PLEKHM3: variants seen among roughly 807,000 people sequenced by gnomAD.
The protein encoded by PLEKHM3 is pleckstrin homology domain-containing family M member 3.
PLEKHM3 carries 45 observed loss-of-function variants against 81.8 expected under a neutral mutation model. The ratio of observed to expected loss-of-function variants is 0.55; its 90% CI spans 0.43 to 0.71. The LOEUF (loss-of-function observed/expected upper bound fraction) is 0.71, where lower values mean the gene tolerates loss of function less well. Ranked by LOEUF, PLEKHM3 falls within the 30% of genes least tolerant of loss-of-function variation. PLEKHM3 has a pLI of 0.00. For missense variants in PLEKHM3, 788 were observed against 924.3 expected (o/e 0.85, Z 1.91); for synonymous variants, 352 against 356.4 (o/e 0.99, Z 0.14).
At chr2:207,948,617 C>A (rs1382071045) in intron 3 of PLEKHM3, among the ~76,000 whole-genome samples, 1 of 150,322 alleles carries the variant, frequency 6.7e-6, no homozygotes, top group Non-Finnish European at 1.5e-5. Flanking sequence ...GATTTCGGCT[C>A]GCTGCAACCT....
intron 1 of PLEKHM3, among the ~76,000 whole-genome samples, chr2:208,022,664 A>G (rs922349523): frequency 2.6e-5 from 4 of 152,178 alleles, no homozygotes; most frequent in Admixed American, 1.3e-4. Context: ...GCCGCAACAC[A>G]GTATGTTGAG....
chr2:207,831,476 T>C (rs2092287599), intron 7 of PLEKHM3, among the ~76,000 whole-genome samples: 2 of 152,226 alleles, frequency 1.3e-5, no homozygotes, highest in South Asian at 4.1e-4. Context: ...AAATCCTTTG[T>C]AGCTGAGTGA....
intron 3 of PLEKHM3, 132 bp from the exon 4 acceptor site, chr2:207,946,644 C>T: frequency 2.4e-6 from 3 of 1,238,290 alleles, no homozygotes; most frequent in African/African-American, 1.5e-5. Flanking sequence ...AAAGAAGTTA[C>T]AGATAATAGA....
intron 5 of PLEKHM3, among the ~76,000 whole-genome samples, chr2:207,918,848 CAGAA>C (rs1240301450): frequency 6.6e-6 from 1 of 152,150 alleles, no homozygotes; most frequent in Non-Finnish European, 1.5e-5. Flanking sequence ...TTACATCTAG[CAGAA>C]AGGGCAGCGC....
At chr2:207,886,630 A>C (rs1178775732) in intron 6 of PLEKHM3, among the ~76,000 whole-genome samples, 1 of 152,210 alleles carries the variant, frequency 6.6e-6, no homozygotes, top group Non-Finnish European at 1.5e-5. Flanking sequence ...TCTCTGTTGA[A>C]AAGGGAGATC....
intron 2 of PLEKHM3, among the ~76,000 whole-genome samples, chr2:207,983,192 C>T (rs1303891533): frequency 1.3e-5 from 2 of 152,026 alleles, no homozygotes; most frequent in Admixed American, 6.6e-5. Flanking sequence ...GCTGGGACTA[C>T]AGGCACCAGC....
Position 207,861,275 on chromosome 2 carries a change from A to C in PLEKHM3, c.1951-13T>G. 3 of 1,613,368 alleles carry C rather than the reference A, an allele frequency of 1.9e-6. No individual in the cohort carries two copies. The highest frequency in any genetic ancestry group is 2.5e-6 in the Non-Finnish European group (3 of 1,179,706). On this transcript the variant is annotated splice_polypyrimidine_tract_variant and intron_variant, in intron 6 of 7. Transcript: ENST00000427836. Reference sequence around the variant, plus strand: ...TTCCCTCTATTACCTGCAGAAAGAGAAATGGGACAGGGAAGCACATTTATT... The same window carrying C: ...TTCCCTCTATTACCTGCAGAAAGAGCAATGGGACAGGGAAGCACATTTATT...
intron 3 of PLEKHM3, among the ~76,000 whole-genome samples, chr2:207,958,930 A>G (rs1690632084): frequency 6.6e-6 from 1 of 151,966 alleles, no homozygotes; most frequent in African/African-American, 2.4e-5. Flanking sequence ...AATAATAATA[A>G]TAATAAAATA....
chr2:207,917,273 A>G (rs1156788131), intron 5 of PLEKHM3, among the ~76,000 whole-genome samples: 1 of 152,226 alleles, frequency 6.6e-6, no homozygotes, highest in African/African-American at 2.4e-5. Flanking sequence ...TAGCCACAAA[A>G]TTCGGGTAAC....
At chr2:207,836,985 C>A (rs748757672) in intron 7 of PLEKHM3, among the ~76,000 whole-genome samples, 27 of 151,926 alleles carry the variant, frequency 1.8e-4, no homozygotes, top group Non-Finnish European at 3.5e-4. Context: ...CATGTGAGTG[C>A]GGCTTTGCGT....
At position 207,972,601 on chromosome 2, in the gene PLEKHM3, A is replaced by AAAAAG. The variant is rs1349556911; in HGVS notation, c.1546+4045_1546+4049dup. Among the ~76,000 whole-genome samples, 6 of 151,930 alleles carry AAAAAG rather than the reference A, an allele frequency of 3.9e-5. No homozygotes were observed. The East Asian group carries it at 1.2e-3, about 29-fold the overall frequency. The stretch of plus-strand genomic sequence containing the variant: ...GACTCCGTCTCAAAAAAAAAAAAAA[A>AAAAAG]AAAAGAAGACCACTATGGCTGGGGC... On this transcript the variant is annotated intron_variant, in intron 3 of 7. Coordinates refer to ENST00000427836, the MANE Select transcript of PLEKHM3 (RefSeq NM_001080475.3).
chr2:207,876,980 T>C (rs2092562877), intron 6 of PLEKHM3, among the ~76,000 whole-genome samples: 1 of 152,150 alleles, frequency 6.6e-6, no homozygotes, highest in African/African-American at 2.4e-5. Context: ...CCACTCAAAG[T>C]ACTGTGCCAA....
At position 207,826,225 on chromosome 2, in the gene PLEKHM3, G is replaced by C. The variant is rs979552789; in HGVS notation, c.*2094C>G. 1.3e-5 allele frequency: 2 copies of C among 152,196 alleles called. No individual in the cohort carries two copies. The highest frequency in any genetic ancestry group is 4.8e-5 in the African/African-American group (2 of 41,446). The allele number at this position is 152,196 out of a possible 1,614,324, so 9.4% of individuals were successfully genotyped here. A position where few individuals can be genotyped will look rare whatever the true frequency, so the allele number is the denominator to read the frequency against. On this transcript the variant is annotated 3_prime_UTR_variant, in exon 8 of 8. Coordinates refer to ENST00000427836, the MANE Select transcript of PLEKHM3 (RefSeq NM_001080475.3). ...AGCACATCTGTTTTATAATAAGCAG[G>C]TCTATAATTCTCTTGTGAAAGATCA...
chr2:207,881,415 T>A (rs1182175176), intron 6 of PLEKHM3, among the ~76,000 whole-genome samples: 2 of 152,130 alleles, frequency 1.3e-5, no homozygotes, highest in African/African-American at 4.8e-5. Flanking sequence ...AAGGTATTGA[T>A]CCCATTGAAT....
At chr2:207,860,988 C>G (rs972232054) in intron 7 of PLEKHM3, 117 bp downstream of exon 7, 1 of 1,223,952 alleles carries the variant, frequency 8.2e-7, no homozygotes, top group African/African-American at 1.5e-5. Flanking sequence ...CAAGGAAAAC[C>G]TGATCCAGGG....
rs573621312 is a variant in PLEKHM3, at chr2:207,847,556, T to C, written c.2108+13549A>G. ...GGCTTCAAGTTTCCCACCCCCAAAA[T>C]GTCTAAAGGGTCCCCACAGTCCCTT... is the stretch of plus-strand genomic sequence containing the variant. On this transcript the variant is annotated intron_variant, in intron 7 of 7. Coordinates refer to ENST00000427836, the MANE Select transcript of PLEKHM3 (RefSeq NM_001080475.3). Among the ~76,000 whole-genome samples the C allele has an allele frequency of 8.5e-5, 13 of 152,248 alleles. No individual in the cohort carries two copies. The South Asian group carries it at 1.5e-3, about 17-fold the overall frequency.
At position 207,977,357 on chromosome 2, in the gene PLEKHM3, C is replaced by A; in HGVS notation, c.840G>T (p.Leu280Phe). The A allele has an allele frequency of 6.2e-7, 1 of 1,614,136 alleles. No individual in the cohort carries two copies. ...TTAGCTGTAGCTGAGTGTTGTCATA[C>A]AAAACAGTATCCACCATCCTGGCCT... is the stretch of plus-strand genomic sequence containing the variant. ...NLEARMVDTVLYDNTQLQLKA... is the reference protein window; with the variant it reads ...NLEARMVDTVFYDNTQLQLKA... Residue 280 changes from leucine to phenylalanine, a missense_variant, in exon 3 of 8, where the codon TTG becomes TTT. Physicochemically the swap from Leu to Phe is conservative, Grantham distance 22. Transcript: ENST00000427836.
At chr2:207,908,432 G>T in intron 6 of PLEKHM3, 82 bp downstream of exon 6, 2 of 1,300,372 alleles carry the variant, frequency 1.5e-6, no homozygotes, top group South Asian at 1.3e-5. Context: ...AATGATGGCA[G>T]AATACGGTGC....
At chr2:207,884,809 G>A (rs1442070060) in intron 6 of PLEKHM3, among the ~76,000 whole-genome samples, 4 of 152,146 alleles carry the variant, frequency 2.6e-5, no homozygotes, top group Admixed American at 2.6e-4. Flanking sequence ...CAGCCTTCCT[G>A]GGCGCCCACA....
Sources: allele counts gnomAD v4.1 joint callset (sites outside exome capture counted in the v4.1 genomes callset), GRCh38; gene constraint gnomAD v4.1.1; transcripts MANE v1.5; gene names NCBI Gene and HGNC (gene_info 2026-07-23, HGNC 2026-07-21).